Variants in NEURL4 observed in about 807,000 individuals in gnomAD.
NEURL4 encodes the protein neuralized-like protein 4.
Under a neutral mutation model 148.0 loss-of-function variants are expected in NEURL4, and 45 were observed. That is an observed-to-expected ratio of 0.30 (90% CI 0.24 to 0.39). NEURL4 has a LOEUF of 0.39. Ranked by LOEUF, NEURL4 falls within the 10% of genes least tolerant of loss-of-function variation. The probability of loss-of-function intolerance (pLI) is 1.00; values close to 1 mark genes in which losing one functional copy is unlikely to be tolerated. For missense variants in NEURL4, 1,776 were observed against 2,144.0 expected (o/e 0.83, Z 3.39); for synonymous variants, 854 against 869.0 (o/e 0.98, Z 0.30).
chr17:7,328,398 A>C (rs1188836577), intron 1 of NEURL4, among the ~76,000 whole-genome samples: 2 of 151,936 alleles, frequency 1.3e-5, no homozygotes, highest in Admixed American at 1.3e-4. Context: ...CTGTCCTTCA[A>C]TGGTTTGTTC....
chr17:7,323,183 G>T (rs1016472291), intron 14 of NEURL4, 60 bp from the exon 15 acceptor site: 1 of 1,549,342 alleles, frequency 6.5e-7, no homozygotes, highest in Non-Finnish European at 8.8e-7. Context: ...ATTGGCCCCT[G>T]CCCACTCCCT....
chr17:7,319,157 C>G lies in NEURL4; in HGVS notation c.3577G>C (p.Val1193Leu), dbSNP rs188303099. 393 of 1,614,066 alleles carry G rather than the reference C, an allele frequency of 2.4e-4. 2 individuals are homozygous for G. In the African/African-American group the frequency reaches 5.0e-3, roughly 20 times the overall value. ...AGCCTCTCAGGCGCGCAGGTGATGACTCCCAGGACAAGGGAAGATGTCCAC... is the reference window on the plus strand; with the variant it reads ...AGCCTCTCAGGCGCGCAGGTGATGAGTCCCAGGACAAGGGAAGATGTCCAC... ...RQWTSSLVLG[V>L]ITCAPERLNF... The change falls in exon 22 of 29, where the codon GTC becomes CTC. Residue 1193 changes from valine to leucine, a missense_variant. Transcript: ENST00000399464.
At position 7,326,990 on chromosome 17, in the gene NEURL4, C is replaced by T; in HGVS notation, c.813G>A (p.Leu271=). The T allele has an allele frequency of 6.2e-7, 1 of 1,611,864 alleles. No homozygotes were observed. Among genetic ancestry groups the T allele is most frequent in the Non-Finnish European group, 8.5e-7 (1 of 1,180,004 alleles). ...GGATGGTGTTGCTCACCACCTCAGACAGCTCCATGTTGGCAAAGTCTATAG... is the reference window on the plus strand; with the variant it reads ...GGATGGTGTTGCTCACCACCTCAGATAGCTCCATGTTGGCAAAGTCTATAG... ...ESHNDFANME[L]SEVVSNTILS... is the part of the protein sequence containing the mutation. The change falls in exon 4 of 29, where the codon CTG becomes CTA. Residue 271 remains leucine (L), a synonymous_variant. Transcript: ENST00000399464. The surrounding 1 kb of genome is among the most constrained non-coding windows in gnomAD (Gnocchi z 6.0).
chr17:7,323,929 C>G lies in NEURL4; in HGVS notation c.2146G>C (p.Asp716His), dbSNP rs763773581. 5 of 1,613,646 alleles carry G rather than the reference C, an allele frequency of 3.1e-6. No homozygotes were observed. In the Admixed American group the frequency reaches 6.7e-5, roughly 22 times the overall value. The change falls in exon 12 of 29, where the codon GAC becomes CAC. Residue 716 changes from aspartate to histidine, a missense_variant. Physicochemically the swap from Asp to His is moderately conservative, Grantham distance 81. Coordinates refer to ENST00000399464, the MANE Select transcript of NEURL4 (RefSeq NM_032442.3). ...CCGTGCAGCTGATGGAAGCGCAGGT[C>G]AGAGCCCCCGGCCCCTGAGGACGGA... is the stretch of plus-strand genomic sequence containing the variant. ...SSPSSGAGGS[D>H]LRFHQLHGSN...
Position 7,324,324 on chromosome 17 carries a change from T to A in NEURL4, c.1900-54A>T. On this transcript the variant is annotated intron_variant, in intron 10 of 28. Transcript: ENST00000399464. This position sits in a 1 kb window ranked among gnomAD's most constrained non-coding sequence, Gnocchi z 5.9. The stretch of plus-strand genomic sequence containing the variant: ...AGTCAGGCAGAGTTCCTGCCGGGGC[T>A]GGTCCTGCATCAGCCCCGCGGTGTT... 6.2e-7 allele frequency: 1 copy of A among 1,613,604 alleles called. No individual in the cohort carries two copies. Among genetic ancestry groups the A allele is most frequent in the South Asian group, 1.1e-5 (1 of 91,064 alleles).
At position 7,326,155 on chromosome 17, in the gene NEURL4, C is replaced by T; in HGVS notation, c.1293+100G>A. On this transcript the variant is annotated intron_variant, in intron 6 of 28. Transcript: ENST00000399464. The surrounding 1 kb of genome is among the most constrained non-coding windows in gnomAD (Gnocchi z 6.0). Reference sequence around the variant, plus strand: ...TTTAGGTGGAAGATACAGGGACTGCCTCTAGGTCACATAGGAGACCCTGCT... The same window carrying T: ...TTTAGGTGGAAGATACAGGGACTGCTTCTAGGTCACATAGGAGACCCTGCT... 8.9e-7 allele frequency: 1 copy of T among 1,119,182 alleles called. No individual in the cohort carries two copies. Among genetic ancestry groups the T allele is most frequent in the Admixed American group, 2.0e-5 (1 of 50,592 alleles). The allele number at this position is 1,119,182 out of a possible 1,614,324, so 69.3% of individuals were successfully genotyped here. A position where few individuals can be genotyped will look rare whatever the true frequency, so the allele number is the denominator to read the frequency against.
rs763191431 is a variant in NEURL4 at position 7,326,308 on chromosome 17, T to G, written c.1240A>C (p.Asn414His). ...IMMSGCGILT[N>H]GKGTRREYCE... The stretch of plus-strand genomic sequence containing the variant: ...TACTCCCGGCGGGTGCCCTTGCCAT[T>G]GGTCAGGATTCCACAGCCGCTCATC... The change falls in exon 6 of 29, where the codon AAT becomes CAT. Residue 414 changes from asparagine to histidine, a missense_variant. Asn to His is a moderately conservative substitution (Grantham distance 68). Transcript: ENST00000399464. This position sits in a 1 kb window ranked among gnomAD's most constrained non-coding sequence, Gnocchi z 6.0. The G allele has an allele frequency of 6.2e-7, 1 of 1,614,016 alleles. No individual in the cohort carries two copies. Among genetic ancestry groups the G allele is most frequent in the African/African-American group, 1.3e-5 (1 of 74,918 alleles).
chr17:7,319,786 G>C (rs2073005792), intron 21 of NEURL4, among the ~76,000 whole-genome samples: 1 of 151,610 alleles, frequency 6.6e-6, no homozygotes, highest in Admixed American at 6.6e-5. Context: ...GATCTCTAAG[G>C]ATTCTTATTC....
In NEURL4 at chr17:7,320,881, G is replaced by A. The variant is rs2143012182; in HGVS notation, c.3403C>T (p.Leu1135=). 1 of 1,614,108 alleles carries A rather than the reference G, an allele frequency of 6.2e-7. No individual in the cohort carries two copies. Among genetic ancestry groups the A allele is most frequent in the Non-Finnish European group, 8.5e-7 (1 of 1,180,008 alleles). Residue 1135 remains leucine, a synonymous_variant, in exon 21 of 29, where the codon CTG becomes TTG. Transcript: ENST00000399464. The part of the protein sequence containing the change: ...VGIIPTTLEF[L]ENHGKNILLS... ...AGGATATTCTTCCCATGGTTCTCCA[G>A]GAACTCGAGGGTGGTGGGTATAATA...
rs368793507 is a variant in NEURL4 at position 7,324,281 on chromosome 17, G to A, written c.1900-11C>T. 5.0e-5 allele frequency: 80 copies of A among 1,613,692 alleles called. No homozygotes were observed. Among genetic ancestry groups the A allele is most frequent in the Non-Finnish European group, 6.7e-5 (79 of 1,179,832 alleles). ...CACCGTGTCCCCTGCCTTGGAAGAA[G>A]GGGGTGCTGGAGTGAGGAGTCAGGC... On this transcript the variant is annotated splice_polypyrimidine_tract_variant and intron_variant, in intron 10 of 28. Coordinates refer to ENST00000399464, the MANE Select transcript of NEURL4 (RefSeq NM_032442.3). This position sits in a 1 kb window ranked among gnomAD's most constrained non-coding sequence, Gnocchi z 5.9.
chr17:7,319,716 A>AAC lies in NEURL4; in HGVS notation c.3526-509_3526-508insGT, dbSNP rs1260079668. On this transcript the variant is annotated intron_variant, in intron 21 of 28. Transcript: ENST00000399464. Reference sequence around the variant, plus strand: ...ACTCCGTCTCAAAAAAAACAAAAAAACAAAAAAACAAAAAAAAAACATGCT... The same window carrying AAC: ...ACTCCGTCTCAAAAAAAACAAAAAAAACCAAAAAAACAAAAAAAAAACATGCT... 1.7e-4 allele frequency among the ~76,000 whole-genome samples: 18 copies of AAC among 105,418 alleles called. 1 individual carries two copies. Among genetic ancestry groups the AAC allele is most frequent in the East Asian group, 3.7e-4 (1 of 2,730 alleles). 69.2% of individuals were successfully genotyped at this position (105,418 alleles called of 152,430 possible).
chr17:7,324,707 A>G lies in NEURL4; in HGVS notation c.1813+92T>C. ...TGAATGAGTGGTCACAAGAGTGACAAGTGAAAAAGGAGCTGCAGAACAAGT... is the reference window on the plus strand; with the variant it reads ...TGAATGAGTGGTCACAAGAGTGACAGGTGAAAAAGGAGCTGCAGAACAAGT... On this transcript the variant is annotated intron_variant, in intron 9 of 28. Coordinates refer to ENST00000399464, the MANE Select transcript of NEURL4 (RefSeq NM_032442.3). The surrounding 1 kb of genome is among the most constrained non-coding windows in gnomAD (Gnocchi z 5.9). 4 of 1,392,628 alleles carry G rather than the reference A, an allele frequency of 2.9e-6. No homozygotes were observed. The highest frequency in any genetic ancestry group is 1.2e-5 in the South Asian group (1 of 80,730). 86.3% of individuals were successfully genotyped at this position (1,392,628 alleles called of 1,614,324 possible). A position where few individuals can be genotyped will look rare whatever the true frequency, so the allele number is the denominator to read the frequency against.
Position 7,326,252 on chromosome 17 carries a change from C to A in NEURL4, c.1293+3G>T. 1 of 1,613,842 alleles carries A rather than the reference C, an allele frequency of 6.2e-7. No homozygotes were observed. ...GGCCCAGGGATCTGTGCCCCACCCT[C>A]ACCTGCAACTCATCCAGACTGAATT... On this transcript the variant is annotated splice_donor_region_variant and intron_variant, in intron 6 of 28. Coordinates refer to ENST00000399464, the MANE Select transcript of NEURL4 (RefSeq NM_032442.3). The surrounding 1 kb of genome is among the most constrained non-coding windows in gnomAD (Gnocchi z 6.0).
chr17:7,329,304 TGCC>T lies in NEURL4; in HGVS notation c.6_8del (p.Ala3del). On this transcript the variant is annotated inframe_deletion, in exon 1 of 29. Coordinates refer to ENST00000399464, the MANE Select transcript of NEURL4 (RefSeq NM_032442.3). ...CAGAGCCCCCACTCCCACCCGACCC[TGCC>T]GCCATCTCCGCTGACACCGGGGCAG... The T allele has an allele frequency of 8.0e-7, 1 of 1,254,464 alleles. No homozygotes were observed. The highest frequency in any genetic ancestry group is 1.0e-6 in the Non-Finnish European group (1 of 1,000,422). 77.7% of individuals were successfully genotyped at this position (1,254,464 alleles called of 1,614,324 possible).
intron 21 of NEURL4, among the ~76,000 whole-genome samples, chr17:7,319,700 C>CAA (rs369930443): frequency 8.5e-6 from 1 of 118,074 alleles, no homozygotes; most frequent in Non-Finnish European, 1.7e-5. Context: ...AACTCCGTCT[C>CAA]AAAAAAAACA....
At position 7,327,227 on chromosome 17, in the gene NEURL4, A is replaced by C. The variant is rs2073114772; in HGVS notation, c.731T>G (p.Phe244Cys). The C allele has an allele frequency of 6.2e-7, 1 of 1,609,334 alleles. No individual in the cohort carries two copies. The highest frequency in any genetic ancestry group is 8.5e-7 in the Non-Finnish European group (1 of 1,178,712). ...CCGGGCCTGCGCTGGGGACACCATG[A>C]AGGCTGGGGACCAGGTGGGATGGGA... Reference protein sequence around the residue: ...AEQGTSADEAFMVSPAQARPE... With the variant: ...AEQGTSADEACMVSPAQARPE... The change falls in exon 3 of 29, where the codon TTC (phenylalanine) becomes TGC (cysteine). Residue 244 changes from phenylalanine to cysteine, a missense_variant. By Grantham distance (205) the Phe-to-Cys change is radical. Coordinates refer to ENST00000399464, the MANE Select transcript of NEURL4 (RefSeq NM_032442.3). The surrounding 1 kb of genome is among the most constrained non-coding windows in gnomAD (Gnocchi z 6.6).
At chr17:7,316,439 T>C in intron 28 of NEURL4, 112 bp from the exon 29 acceptor site, 1 of 794,594 alleles carries the variant, frequency 1.3e-6, no homozygotes, top group Non-Finnish European at 2.0e-6. Context: ...ACTCCCACCT[T>C]ATGGGAACTT....
In NEURL4 at chr17:7,322,579, C is replaced by G. The variant is rs1399612505; in HGVS notation, c.2725+156G>C. On this transcript the variant is annotated intron_variant, in intron 16 of 28. Coordinates refer to ENST00000399464, the MANE Select transcript of NEURL4 (RefSeq NM_032442.3). This position sits in a 1 kb window ranked among gnomAD's most constrained non-coding sequence, Gnocchi z 5.5. ...TCTAAGTACCAGGTGTAACCTCCCC[C>G]TCACTGGCTGCTTGCCACCGTGGGC... Among the ~76,000 whole-genome samples the G allele has an allele frequency of 1.3e-5, 2 of 152,164 alleles. No homozygotes were observed. The highest frequency in any genetic ancestry group is 2.9e-5 in the Non-Finnish European group (2 of 68,014).
Position 7,317,248 on chromosome 17 carries a change from AG to A in NEURL4, c.4440del (p.Ser1481ProfsTer85). On this transcript the variant is annotated frameshift_variant, in exon 28 of 29. Coordinates refer to ENST00000399464, the MANE Select transcript of NEURL4 (RefSeq NM_032442.3). LOFTEE classifies it high-confidence loss of function. Reference protein sequence around the residue: ...EEQPPPVLLSPSLQYAGAETL... With the variant: ...EEQPPPVLLSXSLQYAGAETL... ...GTCTCCGCCCCAGCATATTGAAGGG[AG>A]GGGGAAAGCAGCACAGGAGGGGGCT... 1 of 1,521,278 alleles carries A rather than the reference AG, an allele frequency of 6.6e-7. No individual in the cohort carries two copies. The highest frequency in any genetic ancestry group is 8.8e-7 in the Non-Finnish European group (1 of 1,136,568). 94.2% of individuals were successfully genotyped at this position (1,521,278 alleles called of 1,614,324 possible).
Sources: allele counts gnomAD v4.1 joint callset (sites outside exome capture counted in the v4.1 genomes callset), GRCh38; gene constraint gnomAD v4.1.1; non-coding constraint Gnocchi (gnomAD v3.1); transcripts MANE v1.5; gene names NCBI Gene and HGNC (gene_info 2026-07-23, HGNC 2026-07-21).